The following HS3ST4 variants were observed in gnomAD, a reference collection of about 807,000 sequenced individuals.
HS3ST4 encodes the protein heparan sulfate glucosamine 3-O-sulfotransferase 4.
In HS3ST4, 17 loss-of-function variants were observed where a neutral mutation model predicts 29.2. The observed-to-expected ratio is 0.58, with a 90% CI of 0.40 to 0.87. HS3ST4 has a LOEUF of 0.87. Among genes scored for constraint, HS3ST4 ranks in the 40% least tolerant of loss-of-function variants. The pLI, the probability that HS3ST4 is intolerant of heterozygous loss-of-function variation, is 0.00. For synonymous variants in HS3ST4, 314 were observed against 285.7 expected (o/e 1.10, Z -1.00); for missense variants, 627 against 634.5 (o/e 0.99, Z 0.13).
rs1253692059 is a variant in HS3ST4 at position 26,079,741 on chromosome 16, A to G, written c.735-55871A>G. ...AAGCCATTCACATTAAAGAGGAAGG[A>G]AGGGAAGCTTCCTTTTGAGGACTGT... On this transcript the variant is annotated intron_variant, in intron 1 of 1. Coordinates refer to ENST00000331351, the MANE Select transcript of HS3ST4 (RefSeq NM_006040.3). 4.6e-5 allele frequency among the ~76,000 whole-genome samples: 7 copies of G among 152,286 alleles called. No homozygotes were observed. The South Asian group carries it at 1.5e-3, about 32-fold the overall frequency.
rs1383047168 is a variant in HS3ST4 at position 26,135,681 on chromosome 16, T to C, written c.804T>C (p.Asn268=). ...MEKTPSYFVT[N]EAPKRIHSMA... is the part of the protein sequence containing the mutation. ...AGACTCCAAGTTACTTTGTGACAAA[T>C]GAGGCTCCCAAGCGCATTCACTCCA... The change falls in exon 2 of 2, where the codon AAT becomes AAC. Residue 268 remains asparagine, a synonymous_variant. Transcript: ENST00000331351. 3.7e-6 allele frequency: 6 copies of C among 1,613,698 alleles called. No individual in the cohort carries two copies. The African/African-American group carries it at 6.7e-5, about 18-fold the overall frequency.
intron 1 of HS3ST4, among the ~76,000 whole-genome samples, chr16:25,790,131 G>C (rs1230904195): frequency 6.6e-6 from 1 of 152,104 alleles, no homozygotes; most frequent in Admixed American, 6.5e-5. Flanking sequence ...ATTTTGGCTG[G>C]ATGCCATGGT....
At chr16:25,847,292 C>G (rs2141647812) in intron 1 of HS3ST4, among the ~76,000 whole-genome samples, 1 of 151,898 alleles carries the variant, frequency 6.6e-6, no homozygotes, top group South Asian at 2.1e-4. Flanking sequence ...AATTGGGATC[C>G]CCCCCATATA....
intron 1 of HS3ST4, among the ~76,000 whole-genome samples, chr16:25,784,587 C>G (rs1213773630): frequency 6.6e-6 from 1 of 152,132 alleles, no homozygotes; most frequent in African/African-American, 2.4e-5. Flanking sequence ...TCTTTTAAGT[C>G]AAAGTCTAAT....
rs1221772243 is a variant in HS3ST4 at position 25,939,743 on chromosome 16, C to T, written c.735-195869C>T. On this transcript the variant is annotated intron_variant, in intron 1 of 1. Coordinates refer to ENST00000331351, the MANE Select transcript of HS3ST4 (RefSeq NM_006040.3). ...TGCTCAGGCTGCGCTGGGAGGGGAG[C>T]ATTCTGTCCTCAGTGCCATTTTAAA... Among the ~76,000 whole-genome samples the T allele has an allele frequency of 2.0e-5, 3 of 152,150 alleles. No individual in the cohort carries two copies. The East Asian group carries it at 5.8e-4, about 29-fold the overall frequency.
intron 1 of HS3ST4, among the ~76,000 whole-genome samples, chr16:26,019,290 A>G (rs150092743): frequency 1.2e-3 from 186 of 152,150 alleles, no homozygotes; most frequent in Middle Eastern, 3.4e-3. Flanking sequence ...ATCATTTAGT[A>G]TTTTCACGTC....
At chr16:26,076,320 C>G (rs1898663980) in intron 1 of HS3ST4, among the ~76,000 whole-genome samples, 1 of 152,176 alleles carries the variant, frequency 6.6e-6, no homozygotes, top group Admixed American at 6.5e-5. Flanking sequence ...TTTGAGTGTA[C>G]TCAAACAATC....
intron 1 of HS3ST4, among the ~76,000 whole-genome samples, chr16:25,902,469 G>C (rs1373918480): frequency 6.6e-6 from 1 of 152,030 alleles, no homozygotes; most frequent in Non-Finnish European, 1.5e-5. Flanking sequence ...CTGGGCAACA[G>C]AGTGAGATCC....
At chr16:26,005,744 A>AC (rs1245310789) in intron 1 of HS3ST4, among the ~76,000 whole-genome samples, 3 of 152,046 alleles carry the variant, frequency 2.0e-5, no homozygotes, top group Non-Finnish European at 2.9e-5. Flanking sequence ...AAAAAAAAAA[A>AC]AAACCTTTGA....
intron 1 of HS3ST4, among the ~76,000 whole-genome samples, chr16:26,025,653 G>A (rs1969463281): frequency 6.6e-6 from 1 of 152,202 alleles, no homozygotes; most frequent in Admixed American, 6.5e-5. Context: ...GCTAGGGCAG[G>A]CTCCTATGCC....
intron 1 of HS3ST4, among the ~76,000 whole-genome samples, chr16:25,798,171 C>T (rs900763058): frequency 2.0e-5 from 3 of 152,188 alleles, no homozygotes; most frequent in Admixed American, 6.5e-5. Context: ...TTCTCTATCT[C>T]TAAGAGTGCA....
intron 1 of HS3ST4, among the ~76,000 whole-genome samples, chr16:26,057,925 A>AGAGCTGAGCCTTCATCTGTCTGTGTG (rs1898429124): frequency 1.3e-5 from 2 of 149,862 alleles, no homozygotes; most frequent in African/African-American, 5.1e-5. Context: ...GAGTTTCAGG[A>AGAGCTGAGCCTTCATCTGTCTGTGTG]AACATCTCAC....
In HS3ST4 at chr16:25,692,880, G is replaced by A; in HGVS notation, c.463G>A (p.Ala155Thr). Residue 155 changes from alanine to threonine, a missense_variant, in exon 1 of 2, where the codon GCG becomes ACG. Ala to Thr is a moderately conservative substitution (Grantham distance 58, BLOSUM62 0). Around this residue, in one of 2 missense-constraint regions of HS3ST4, gnomAD observed 402 missense variants for 340.8 expected, o/e 1.18. Transcript: ENST00000331351. ...APSEMITAQSALPEREAQESS... is the reference protein window; with the variant it reads ...APSEMITAQSTLPEREAQESS... The stretch of plus-strand genomic sequence containing the variant: ...CAGCGAGATGATCACGGCTCAGAGC[G>A]CGCTGCCGGAGAGGGAAGCGCAGGA... The A allele has an allele frequency of 6.5e-7, 1 of 1,548,310 alleles. No individual in the cohort carries two copies. Among genetic ancestry groups the A allele is most frequent in the Non-Finnish European group, 8.7e-7 (1 of 1,147,268 alleles).
intron 1 of HS3ST4, among the ~76,000 whole-genome samples, chr16:25,815,514 G>C (rs921873146): frequency 6.6e-6 from 1 of 152,100 alleles, no homozygotes; most frequent in Admixed American, 6.5e-5. Context: ...AGTAGAGACG[G>C]GATTTCACCT....
intron 1 of HS3ST4, among the ~76,000 whole-genome samples, chr16:25,920,957 A>T (rs916130853): frequency 6.6e-6 from 1 of 152,098 alleles, no homozygotes. Flanking sequence ...TTATGTAGTC[A>T]TACCTATCTG....
intron 1 of HS3ST4, among the ~76,000 whole-genome samples, chr16:26,024,096 T>C (rs920602412): frequency 1.3e-5 from 2 of 151,942 alleles, no homozygotes; most frequent in Non-Finnish European, 1.5e-5. Context: ...TGGTGGCACA[T>C]GCCTGTAATC....
chr16:25,999,839 A>G (rs1401760873), intron 1 of HS3ST4, among the ~76,000 whole-genome samples: 1 of 134,074 alleles, frequency 7.5e-6, no homozygotes, highest in East Asian at 2.0e-4. Context: ...TATATTATAT[A>G]TATTTTATAT....
In HS3ST4 at chr16:25,904,107, A is replaced by AATGG. The variant is rs146106307; in HGVS notation, c.734+211000_734+211003dup. ...GGATGCATGGATGAATGAATGGATG[A>AATGG]ATGGATGGATGGATGGATGGATGGA... On this transcript the variant is annotated intron_variant, in intron 1 of 1. Transcript: ENST00000331351. 7.7e-3 allele frequency among the ~76,000 whole-genome samples: 1,104 copies of AATGG among 142,562 alleles called. 11 individuals are homozygous for AATGG. The highest frequency in any genetic ancestry group is 0.022 in the African/African-American group (859 of 38,290). 93.5% of individuals were successfully genotyped at this position (142,562 alleles called of 152,430 possible).
At chr16:25,739,152 G>C (rs113953715) in intron 1 of HS3ST4, among the ~76,000 whole-genome samples, 1 of 152,010 alleles carries the variant, frequency 6.6e-6, no homozygotes, top group Non-Finnish European at 1.5e-5. Context: ...GACAAGCCTG[G>C]CCAACATGGA....
Sources: allele counts gnomAD v4.1 joint callset (sites outside exome capture counted in the v4.1 genomes callset), GRCh38; gene constraint gnomAD v4.1.1; regional missense constraint gnomAD v4.1.1; transcripts MANE v1.5; gene names NCBI Gene and HGNC (gene_info 2026-07-23, HGNC 2026-07-21).